RANBP9: variants seen among roughly 807,000 people sequenced by gnomAD.
RANBP9 encodes RAN binding protein 9.
In RANBP9, 15 loss-of-function variants were observed where a neutral mutation model predicts 84.3. The ratio of observed to expected loss-of-function variants is 0.18; its 90% CI spans 0.12 to 0.27. The LOEUF is 0.27. RANBP9 is among the 10% of genes least tolerant of loss of function. RANBP9 has a pLI of 1.00. For missense variants in RANBP9, 809 were observed against 912.8 expected, an observed-to-expected ratio of 0.89 and a Z score of 1.46; for synonymous variants, 392 against 349.6, an observed-to-expected ratio of 1.12 and a Z score of -1.35.
intron 2 of RANBP9, among the ~76,000 whole-genome samples, chr6:13,674,578 T>C (rs538088991): frequency 6.6e-6 from 1 of 152,308 alleles, no homozygotes; most frequent in South Asian, 2.1e-4. Context: ...ACAAACTGTG[T>C]CTGTTGCCCA....
chr6:13,691,856 G>A (rs566867469), intron 2 of RANBP9, among the ~76,000 whole-genome samples: 3 of 152,142 alleles, frequency 2.0e-5, no homozygotes, highest in East Asian at 1.9e-4. Context: ...TAGTAGAGAC[G>A]GGGTTTCACT....
chr6:13,639,901 A>G, intron 8 of RANBP9, 148 bp from the exon 9 acceptor site: 1 of 661,644 alleles, frequency 1.5e-6, no homozygotes, highest in South Asian at 2.2e-5. Context: ...ATGGTGTCCT[A>G]TGCTTTAATG....
chr6:13,622,917 C>G (rs556508216), intron 13 of RANBP9, among the ~76,000 whole-genome samples: 1 of 152,150 alleles, frequency 6.6e-6, no homozygotes. Context: ...GTTCTTCCAC[C>G]TCTGTGGATA....
intron 2 of RANBP9, among the ~76,000 whole-genome samples, chr6:13,670,723 C>T (rs1584933919): frequency 6.6e-6 from 1 of 151,110 alleles, no homozygotes; most frequent in South Asian, 2.1e-4. Flanking sequence ...TGGTGTGAAC[C>T]CGGGAGGTGG....
At chr6:13,702,504 T>C (rs1163844587) in intron 1 of RANBP9, among the ~76,000 whole-genome samples, 1 of 152,192 alleles carries the variant, frequency 6.6e-6, no homozygotes, top group East Asian at 1.9e-4. Context: ...ACTAATATAA[T>C]ATAGTATTTT....
At chr6:13,688,208 C>T (rs1766237165) in intron 2 of RANBP9, among the ~76,000 whole-genome samples, 1 of 152,150 alleles carries the variant, frequency 6.6e-6, no homozygotes, top group Non-Finnish European at 1.5e-5. Flanking sequence ...AGTAGCAGAG[C>T]CAAGATTTAC....
At chr6:13,629,084 C>G (rs1764702984) in intron 12 of RANBP9, among the ~76,000 whole-genome samples, 2 of 151,908 alleles carry the variant, frequency 1.3e-5, no homozygotes, top group African/African-American at 4.8e-5. Flanking sequence ...TTGAAATAAA[C>G]CTATACAGCA....
chr6:13,706,033 G>A (rs183794771), intron 1 of RANBP9, among the ~76,000 whole-genome samples: 2 of 152,132 alleles, frequency 1.3e-5, no homozygotes, highest in East Asian at 1.9e-4. Context: ...ATGACTGGGG[G>A]TACAGGTGGG....
chr6:13,689,505 C>G (rs1460938061), intron 2 of RANBP9, among the ~76,000 whole-genome samples: 1 of 152,046 alleles, frequency 6.6e-6, no homozygotes, highest in Admixed American at 6.6e-5. Context: ...AACTCTTTAT[C>G]TCAGGTGATC....
At chr6:13,687,554 C>T (rs1766218414) in intron 2 of RANBP9, among the ~76,000 whole-genome samples, 2 of 152,114 alleles carry the variant, frequency 1.3e-5, no homozygotes. Context: ...TCCATTTAAT[C>T]TTCTAAGACA....
intron 11 of RANBP9, among the ~76,000 whole-genome samples, chr6:13,633,209 A>G (rs1019559618): frequency 1.3e-5 from 2 of 151,862 alleles, no homozygotes; most frequent in African/African-American, 4.8e-5. Flanking sequence ...TAATTTTTGT[A>G]TTTTTTAGTA....
Position 13,625,781 on chromosome 6 carries a change from G to A in RANBP9, c.1948-17C>T, listed in dbSNP as rs374733943. On this transcript the variant is annotated splice_polypyrimidine_tract_variant and intron_variant, in intron 12 of 13. Coordinates refer to ENST00000011619, the MANE Select transcript of RANBP9 (RefSeq NM_005493.3). ...GAATGCATCCTGTTGAAAACACATC[G>A]ATTTGGTTTTAATTCAAATAGTTCA... The A allele has an allele frequency of 1.3e-4, 204 of 1,525,890 alleles. 1 individual carries two copies. In the Middle Eastern group the frequency reaches 1.9e-3, roughly 14 times the overall value. The allele number at this position is 1,525,890 out of a possible 1,614,324, so 94.5% of individuals were successfully genotyped here. A position where few individuals can be genotyped will look rare whatever the true frequency, so the allele number is the denominator to read the frequency against.
At chr6:13,709,836 G>A (rs1284222061) in intron 1 of RANBP9, among the ~76,000 whole-genome samples, 1 of 152,166 alleles carries the variant, frequency 6.6e-6, no homozygotes, top group African/African-American at 2.4e-5. Flanking sequence ...TTAACCACAA[G>A]GTTGTTTATC....
chr6:13,684,733 G>A (rs746678112), intron 2 of RANBP9, among the ~76,000 whole-genome samples: 5 of 152,240 alleles, frequency 3.3e-5, no homozygotes, highest in South Asian at 2.1e-4. Context: ...ATACTCTAAC[G>A]GGTAGGACAG....
chr6:13,656,091 C>T (rs1044057853), intron 4 of RANBP9, among the ~76,000 whole-genome samples: 4 of 152,110 alleles, frequency 2.6e-5, no homozygotes, highest in African/African-American at 9.7e-5. Flanking sequence ...TTGAAACACT[C>T]TTAAAAGAGT....
At chr6:13,676,840 C>T (rs763973747) in intron 2 of RANBP9, among the ~76,000 whole-genome samples, 11 of 152,144 alleles carry the variant, frequency 7.2e-5, no homozygotes, top group Non-Finnish European at 1.2e-4. Flanking sequence ...TCTCAGTAAA[C>T]TAGGAATAGA....
chr6:13,635,967 TAAG>T (rs1395796755), intron 10 of RANBP9, among the ~76,000 whole-genome samples: 82 of 152,148 alleles, frequency 5.4e-4, no homozygotes, highest in Non-Finnish European at 1.0e-3. Context: ...AAAAGCTAAT[TAAG>T]TTATTATATT....
At chr6:13,635,819 T>C (rs34778758) in intron 10 of RANBP9, among the ~76,000 whole-genome samples, 2,238 of 152,098 alleles carry the variant, frequency 0.015, 30 homozygotes, top group Non-Finnish European at 0.022. Flanking sequence ...CTTTTTTTTT[T>C]TTTTTGATAA....
intron 12 of RANBP9, among the ~76,000 whole-genome samples, chr6:13,626,422 A>C (rs192156222): frequency 1.7e-3 from 257 of 152,330 alleles, no homozygotes; most frequent in African/African-American, 5.9e-3. Flanking sequence ...AAGCTCCACC[A>C]CTAACTGGCT....
Sources: gnomAD v4.1 joint callset for allele counts (sites outside exome capture counted in the v4.1 genomes callset) on GRCh38, gnomAD v4.1.1 for gene constraint, MANE v1.5 for transcripts, NCBI Gene and HGNC (gene_info 2026-07-23, HGNC 2026-07-21) for gene names.